The following DSCAM variants were observed in gnomAD, a reference collection of about 807,000 sequenced individuals.
The protein encoded by DSCAM is cell adhesion molecule DSCAM.
Under a neutral mutation model 217.7 loss-of-function variants are expected in DSCAM, and 47 were observed. That is an observed-to-expected ratio of 0.22 (90% CI 0.17 to 0.28). The LOEUF is 0.28. Among genes scored for constraint, DSCAM ranks in the 10% least tolerant of loss-of-function variants. The pLI, the probability that DSCAM is intolerant of heterozygous loss-of-function variation, is 1.00. For missense variants in DSCAM, 2,080 were observed against 2,618.3 expected (o/e 0.79, Z 4.49); for synonymous variants, 1,056 against 1,015.3 (o/e 1.04, Z -0.76).
chr21:40,666,236 T>G (rs528015553), intron 3 of DSCAM, among the ~76,000 whole-genome samples: 4 of 152,258 alleles, frequency 2.6e-5, no homozygotes, highest in Non-Finnish European at 4.4e-5. Context: ...ATGAGGAGGA[T>G]GATGATAGCT....
intron 3 of DSCAM, among the ~76,000 whole-genome samples, chr21:40,481,816 T>A (rs1465629974): frequency 1.3e-5 from 2 of 152,096 alleles, no homozygotes; most frequent in African/African-American, 4.8e-5. Flanking sequence ...TGGCTCTCCA[T>A]CCATAACAAC....
At chr21:40,341,069 T>C (rs1415365081) in intron 6 of DSCAM, among the ~76,000 whole-genome samples, 1 of 152,222 alleles carries the variant, frequency 6.6e-6, no homozygotes, top group African/African-American at 2.4e-5. Context: ...GTTTGTTTCC[T>C]CCAGGCTATG....
In DSCAM at chr21:40,692,794, G is replaced by C. The variant is rs373257195; in HGVS notation, c.508+16C>G. The C allele has an allele frequency of 2.8e-5, 45 of 1,606,688 alleles. No individual in the cohort carries two copies. Among genetic ancestry groups the C allele is most frequent in the Non-Finnish European group, 3.5e-5 (41 of 1,173,948 alleles). On this transcript the variant is annotated intron_variant, in intron 3 of 32. Transcript: ENST00000400454. ...GGTGAGCGTGGTGTCCTGCACCCTG[G>C]AGACGCAAAGCCTACCTGAGACAAG...
intron 1 of DSCAM, among the ~76,000 whole-genome samples, chr21:40,749,663 G>A (rs1265686472): frequency 6.6e-6 from 1 of 152,186 alleles, no homozygotes; most frequent in African/African-American, 2.4e-5. Context: ...AAAGAGGCAT[G>A]AAAGATCCTC....
intron 3 of DSCAM, among the ~76,000 whole-genome samples, chr21:40,691,868 T>C (rs2090541003): frequency 6.6e-6 from 1 of 152,256 alleles, no homozygotes; most frequent in African/African-American, 2.4e-5. Flanking sequence ...CCAACCTCTC[T>C]AGCTAATCAA....
intron 20 of DSCAM, among the ~76,000 whole-genome samples, chr21:40,113,773 C>T (rs1235600): frequency 0.94 from 143,131 of 152,172 alleles, 67,759 homozygotes; most frequent in Non-Finnish European, 0.99. Context: ...CAATAACAGA[C>T]AAACAGAGAG....
At chr21:40,499,561 C>A (rs966080640) in intron 3 of DSCAM, among the ~76,000 whole-genome samples, 9 of 152,178 alleles carry the variant, frequency 5.9e-5, no homozygotes, top group Non-Finnish European at 1.2e-4. Context: ...TATGATCCAA[C>A]GTGCCCATTA....
At chr21:40,414,298 T>A (rs1045302988) in intron 3 of DSCAM, among the ~76,000 whole-genome samples, 1 of 152,314 alleles carries the variant, frequency 6.6e-6, no homozygotes, top group Middle Eastern at 3.4e-3. Context: ...AACAAAAGTC[T>A]TCTTTGCCAT....
At chr21:40,441,913 C>G (rs893821805) in intron 3 of DSCAM, among the ~76,000 whole-genome samples, 2 of 152,130 alleles carry the variant, frequency 1.3e-5, no homozygotes, top group African/African-American at 4.8e-5. Flanking sequence ...TTCCACTGCT[C>G]TTTTTCATTG....
chr21:40,522,147 G>C lies in DSCAM; in HGVS notation c.509-152902C>G, dbSNP rs1438867961. Among the ~76,000 whole-genome samples, 5 of 152,122 alleles carry C rather than the reference G, an allele frequency of 3.3e-5. No individual in the cohort carries two copies. In the East Asian group the frequency reaches 9.7e-4, roughly 29 times the overall value. ...GGCATAAGGTATGTGTTTCCCATTG[G>C]CATGTGCCGTATTAAGGAGTGAGAT... On this transcript the variant is annotated intron_variant, in intron 3 of 32. Coordinates refer to ENST00000400454, the MANE Select transcript of DSCAM (RefSeq NM_001389.5).
At chr21:40,093,655 G>A (rs1601323214) in intron 21 of DSCAM, 66 bp downstream of exon 21, 2 of 1,562,546 alleles carry the variant, frequency 1.3e-6, no homozygotes, top group Non-Finnish European at 1.8e-6. Context: ...TTTATTTCAG[G>A]TAAAATAGAG....
At chr21:40,061,852 C>T (rs2089128064) in intron 28 of DSCAM, among the ~76,000 whole-genome samples, 1 of 152,256 alleles carries the variant, frequency 6.6e-6, no homozygotes, top group African/African-American at 2.4e-5. Flanking sequence ...GTCCTAGATC[C>T]ACCCTCTCTC....
chr21:40,457,359 A>G (rs1220207359), intron 3 of DSCAM, among the ~76,000 whole-genome samples: 1 of 152,112 alleles, frequency 6.6e-6, no homozygotes, highest in Non-Finnish European at 1.5e-5. Flanking sequence ...CAAAATATAC[A>G]AAGTTAGTCA....
rs1233684162 is a variant in DSCAM, at chr21:40,266,635, T to TTTTA, written c.2356+9461_2356+9462insTAAA. The stretch of plus-strand genomic sequence containing the variant: ...TAACTGATGAATGGACAAAGATGTT[T>TTTTA]TATATATATATATATATATATATAT... On this transcript the variant is annotated intron_variant, in intron 11 of 32. Transcript: ENST00000400454. Among the ~76,000 whole-genome samples, 18 of 62,640 alleles carry TTTTA rather than the reference T, an allele frequency of 2.9e-4. 1 individual carries two copies. In the South Asian group the frequency reaches 4.0e-3, roughly 14 times the overall value. The allele number at this position is 62,640 out of a possible 152,430, so 41.1% of individuals were successfully genotyped here. A position where few individuals can be genotyped will look rare whatever the true frequency, so the allele number is the denominator to read the frequency against.
intron 27 of DSCAM, among the ~76,000 whole-genome samples, chr21:40,070,830 A>G (rs903012165): frequency 6.6e-6 from 1 of 152,218 alleles, no homozygotes; most frequent in Non-Finnish European, 1.5e-5. Flanking sequence ...GCATAGCACC[A>G]TGAACCCAGA....
At chr21:40,172,684 G>T (rs1280535756) in intron 15 of DSCAM, among the ~76,000 whole-genome samples, 1 of 152,172 alleles carries the variant, frequency 6.6e-6, no homozygotes, top group African/African-American at 2.4e-5. Flanking sequence ...AATTGATATG[G>T]GCTCAATCAC....
rs566857249 is a variant in DSCAM, at chr21:40,693,050, C to T, written c.362-94G>A. On this transcript the variant is annotated intron_variant, in intron 2 of 32. Transcript: ENST00000400454. ...TAATATATACACTGCAGCACACACA[C>T]ATCAATTGCATAACATATCTTTCTG... 4.3e-5 allele frequency: 57 copies of T among 1,331,260 alleles called. No individual in the cohort carries two copies. The East Asian group carries it at 1.3e-3, about 31-fold the overall frequency. The allele number at this position is 1,331,260 out of a possible 1,614,324, so 82.5% of individuals were successfully genotyped here.
At chr21:40,387,505 C>G (rs980088656) in intron 3 of DSCAM, among the ~76,000 whole-genome samples, 4 of 152,176 alleles carry the variant, frequency 2.6e-5, no homozygotes, top group African/African-American at 9.7e-5. Flanking sequence ...CAGTAGACCT[C>G]ACTCTAGAAA....
intron 11 of DSCAM, among the ~76,000 whole-genome samples, chr21:40,228,460 A>C (rs1246466333): frequency 2.0e-5 from 3 of 152,134 alleles, no homozygotes; most frequent in Non-Finnish European, 4.4e-5. Context: ...ACACTGATAC[A>C]CTTATCAGGG....
Sources: allele counts gnomAD v4.1 joint callset (sites outside exome capture counted in the v4.1 genomes callset), GRCh38; gene constraint gnomAD v4.1.1; transcripts MANE v1.5; gene names NCBI Gene and HGNC (gene_info 2026-07-23, HGNC 2026-07-21).